The following CDC123 variants were observed in gnomAD, a reference collection of about 807,000 sequenced individuals.
CDC123 encodes cell division cycle 123.
A neutral mutation model predicts 54.4 loss-of-function variants in CDC123; 37 were observed. That is an observed-to-expected ratio of 0.68 (90% confidence interval 0.52 to 0.89). The LOEUF (loss-of-function observed/expected upper bound fraction) is 0.89, where lower values mean the gene tolerates loss of function less well. Among genes scored for constraint, CDC123 ranks in the 40% least tolerant of loss-of-function variants. The pLI is 0.00. For synonymous variants in CDC123, 144 were observed against 136.8 expected, an observed-to-expected ratio of 1.05 and a Z score of -0.37; for missense variants, 361 against 412.1, an observed-to-expected ratio of 0.88 and a Z score of 1.07.
intron 2 of CDC123, among the ~76,000 whole-genome samples, chr10:12,209,143 CTT>C (rs979632970): frequency 6.6e-6 from 1 of 152,116 alleles, no homozygotes; most frequent in African/African-American, 2.4e-5. Flanking sequence ...GCAATGGAGT[CTT>C]TTTTTCCCTT....
In CDC123 at chr10:12,249,601, CACAA is replaced by C; in HGVS notation, c.871_874del (p.Asn291ValfsTer3). The C allele has an allele frequency of 1.9e-6, 3 of 1,613,514 alleles. No homozygotes were observed. The highest frequency in any genetic ancestry group is 2.5e-6 in the Non-Finnish European group (3 of 1,179,878). ...TACAGGATTCCCCAGCTTTCCGTTG[CACAA>C]ACAGTGAAGTGACAGTCCAGCCCAG... On this transcript the variant is annotated frameshift_variant, in exon 12 of 13. Transcript: ENST00000281141. LOFTEE classifies it high-confidence loss of function.
rs185376289 is a variant in CDC123 at position 12,215,834 on chromosome 10, G to T, written c.332G>T (p.Arg111Met). 6.3e-7 allele frequency: 1 copy of T among 1,582,978 alleles called. No homozygotes were observed. ...VFPKLNWSAP[R>M]DAYWIAMNSS... is the part of the protein sequence containing the mutation. Reference sequence around the variant, plus strand: ...CCTAAGCTTAATTGGAGTGCCCCAAGGGTAGGAACACATAAGTAATTCTCT... The same window carrying T: ...CCTAAGCTTAATTGGAGTGCCCCAATGGTAGGAACACATAAGTAATTCTCT... The change falls in exon 5 of 13, where the codon AGG becomes ATG. Residue 111 changes from arginine (R) to methionine (M), a missense_variant and splice_region_variant. By Grantham distance (91) the Arg-to-Met change is moderately conservative. Transcript: ENST00000281141.
chr10:12,196,440 G>C, intron 1 of CDC123, 121 bp downstream of exon 1: 1 of 1,296,574 alleles, frequency 7.7e-7, no homozygotes, highest in Non-Finnish European at 1.1e-6. Flanking sequence ...GGAGTGTGTC[G>C]AGAGGGAAGT....
At chr10:12,239,001 A>G (rs970513421) in intron 10 of CDC123, among the ~76,000 whole-genome samples, 1 of 151,966 alleles carries the variant, frequency 6.6e-6, no homozygotes, top group East Asian at 1.9e-4. Context: ...AAAGAGAAAA[A>G]AAAAATATCC....
At chr10:12,203,777 T>C (rs2131731959) in intron 2 of CDC123, among the ~76,000 whole-genome samples, 1 of 152,112 alleles carries the variant, frequency 6.6e-6, no homozygotes, top group South Asian at 2.1e-4. Flanking sequence ...ATGTCTTGAG[T>C]TGTGTTGCGA....
At chr10:12,244,504 C>T (rs527297614) in intron 10 of CDC123, among the ~76,000 whole-genome samples, 76 of 152,298 alleles carry the variant, frequency 5.0e-4, no homozygotes, top group African/African-American at 1.8e-3. Flanking sequence ...CTCAGAGGCC[C>T]CAGCCCTACC....
intron 6 of CDC123, among the ~76,000 whole-genome samples, chr10:12,222,250 T>C (rs974903207): frequency 6.6e-6 from 1 of 152,238 alleles, no homozygotes; most frequent in Non-Finnish European, 1.5e-5. Context: ...TAATGTACTC[T>C]AGAAAATACT....
chr10:12,232,377 T>A (rs1464443941), intron 7 of CDC123, among the ~76,000 whole-genome samples: 1 of 152,138 alleles, frequency 6.6e-6, no homozygotes, highest in African/African-American at 2.4e-5. Flanking sequence ...CTGTCTTTAG[T>A]GTCTGTTTGC....
chr10:12,228,405 T>C (rs1835856082), intron 6 of CDC123, among the ~76,000 whole-genome samples: 1 of 87,308 alleles, frequency 1.1e-5, no homozygotes, highest in Non-Finnish European at 2.7e-5. Context: ...CTAGGTTGTT[T>C]TTAGTTTTTT....
intron 2 of CDC123, among the ~76,000 whole-genome samples, chr10:12,209,295 G>A (rs749144469): frequency 1.3e-5 from 2 of 151,994 alleles, no homozygotes; most frequent in Non-Finnish European, 2.9e-5. Context: ...ATAGTGCAGC[G>A]GTGTGATCTT....
chr10:12,240,896 C>T (rs893059887), intron 10 of CDC123, among the ~76,000 whole-genome samples: 6 of 152,136 alleles, frequency 3.9e-5, no homozygotes, highest in Admixed American at 3.3e-4. Flanking sequence ...TGAATAATCC[C>T]GTACGTGTGT....
At chr10:12,230,412 C>T (rs1413963571) in intron 6 of CDC123, among the ~76,000 whole-genome samples, 1 of 152,166 alleles carries the variant, frequency 6.6e-6, no homozygotes, top group East Asian at 1.9e-4. Context: ...AGGCTGGTGT[C>T]AAACTCCTGA....
chr10:12,237,200 G>GA lies in CDC123; in HGVS notation c.625dup (p.Ile209AsnfsTer20). On this transcript the variant is annotated frameshift_variant, in exon 9 of 13. Coordinates refer to ENST00000281141, the MANE Select transcript of CDC123 (RefSeq NM_006023.3). LOFTEE classifies it high-confidence loss of function. ...TGATCATATTTCTAAACAAAAGGAA[G>GA]AAATTCGCAGATGCATACAAGACTT... The GA allele has an allele frequency of 6.3e-7, 1 of 1,588,762 alleles. No homozygotes were observed. Among genetic ancestry groups the GA allele is most frequent in the Non-Finnish European group, 8.5e-7 (1 of 1,170,918 alleles).
chr10:12,240,705 G>A (rs149994298), intron 10 of CDC123, among the ~76,000 whole-genome samples: 293 of 152,212 alleles, frequency 1.9e-3, no homozygotes, highest in African/African-American at 6.8e-3. Context: ...ATGAGACCTC[G>A]TCTCTACATA....
At chr10:12,249,805 G>A in intron 12 of CDC123, 87 bp downstream of exon 12, 2 of 1,478,140 alleles carry the variant, frequency 1.4e-6, no homozygotes. Context: ...TTGGAATCCT[G>A]TATCACCTAG....
chr10:12,226,967 T>C (rs1465840317), intron 6 of CDC123, among the ~76,000 whole-genome samples: 1 of 151,914 alleles, frequency 6.6e-6, no homozygotes, highest in African/African-American at 2.4e-5. Flanking sequence ...CTGGGCAACA[T>C]TGAGCACTGA....
At chr10:12,222,813 ATGCGATC>A (rs1835754498) in intron 6 of CDC123, among the ~76,000 whole-genome samples, 1 of 152,024 alleles carries the variant, frequency 6.6e-6, no homozygotes, top group Admixed American at 6.5e-5. Flanking sequence ...AAATGCAATG[ATGCGATC>A]TTGGCTCACT....
At chr10:12,247,902 G>A (rs1418117963) in intron 11 of CDC123, 1 of 152,180 alleles carries the variant, frequency 6.6e-6, no homozygotes, top group African/African-American at 2.4e-5. Flanking sequence ...TACTTGGGAG[G>A]CTGCGGCAGG....
At chr10:12,198,304 T>C (rs1835392990) in intron 1 of CDC123, among the ~76,000 whole-genome samples, 2 of 152,358 alleles carry the variant, frequency 1.3e-5, no homozygotes, top group Admixed American at 1.3e-4. Flanking sequence ...TTCTGCCCTC[T>C]ATCTTTAGAA....
Sources: allele counts gnomAD v4.1 joint callset (sites outside exome capture counted in the v4.1 genomes callset), GRCh38; gene constraint gnomAD v4.1.1; transcripts MANE v1.5; gene names NCBI Gene and HGNC (gene_info 2026-07-23, HGNC 2026-07-21).